CDC42BPA: variants seen among roughly 807,000 people sequenced by gnomAD.
CDC42BPA encodes serine/threonine-protein kinase MRCK alpha.
In CDC42BPA, 80 loss-of-function variants were observed where a neutral mutation model predicts 223.5. The ratio of observed to expected loss-of-function variants is 0.36; its 90% CI spans 0.30 to 0.43. CDC42BPA has a LOEUF of 0.43. Ranked by LOEUF, CDC42BPA falls within the 20% of genes least tolerant of loss-of-function variation. The probability of loss-of-function intolerance (pLI) is 1.00; values close to 1 mark genes in which losing one functional copy is unlikely to be tolerated. For missense variants in CDC42BPA, 1,743 were observed against 2,099.9 expected (o/e 0.83, Z 3.32); for synonymous variants, 694 against 718.6 (o/e 0.97, Z 0.55).
intron 23 of CDC42BPA, among the ~76,000 whole-genome samples, chr1:227,045,304 A>C (rs1360192540): frequency 2.0e-5 from 3 of 152,286 alleles, no homozygotes; most frequent in South Asian, 4.1e-4. Flanking sequence ...CCTTCTAACT[A>C]TTCTTTTCAT....
intron 1 of CDC42BPA, chr1:227,264,643 T>C: frequency 1.9e-6 from 1 of 523,140 alleles, no homozygotes; most frequent in East Asian, 3.2e-5. Context: ...TTAATTAATG[T>C]TGCCCTAAGT....
At chr1:227,042,968 G>A (rs547291609) in intron 23 of CDC42BPA, among the ~76,000 whole-genome samples, 38 of 152,218 alleles carry the variant, frequency 2.5e-4, no homozygotes, top group African/African-American at 8.9e-4. Context: ...AATAGAAGAT[G>A]TAAGAGCCAA....
rs12563460 is a variant in CDC42BPA, at chr1:227,095,801, A to G, written c.2250-3810T>C. Among the ~76,000 whole-genome samples, 411 of 152,258 alleles carry G rather than the reference A, an allele frequency of 2.7e-3. 12 individuals are homozygous for G. In the East Asian group the frequency reaches 0.051, roughly 19 times the overall value. On this transcript the variant is annotated intron_variant, in intron 15 of 36. Transcript: ENST00000366766. The stretch of plus-strand genomic sequence containing the variant: ...GAGATGGGGTTTTACAATATTGGCC[A>G]GGCTGGTCTCGAACTCCTGACCTCA...
intron 11 of CDC42BPA, among the ~76,000 whole-genome samples, chr1:227,125,552 G>A (rs1006987491): frequency 5.4e-5 from 8 of 148,880 alleles, no homozygotes; most frequent in Non-Finnish European, 1.2e-4. Context: ...AGCTGAGATC[G>A]CGTCACTGCA....
chr1:227,035,511 G>C lies in CDC42BPA; in HGVS notation c.3296C>G (p.Pro1099Arg). Residue 1099 changes from proline to arginine, a missense_variant, in exon 25 of 37, where the codon CCT becomes CGT. Around this residue, in one of 6 missense-constraint regions of CDC42BPA, gnomAD observed 678 missense variants for 777.5 expected, o/e 0.87. Transcript: ENST00000366766. ...ATATGCTGTTCCTATTCCTTTCTGA[G>C]GATCTATACCCAGGGGACCTTTTGT... is the stretch of plus-strand genomic sequence containing the variant. ...EQTKGPLGID[P>R]QKGIGTAYEG... 1.2e-6 allele frequency: 2 copies of C among 1,610,868 alleles called. No homozygotes were observed. The highest frequency in any genetic ancestry group is 1.7e-6 in the Non-Finnish European group (2 of 1,179,034).
chr1:227,074,547 G>A (rs1363424646), intron 17 of CDC42BPA, among the ~76,000 whole-genome samples, 183 bp from the exon 18 acceptor site: 1 of 152,156 alleles, frequency 6.6e-6, no homozygotes, highest in Non-Finnish European at 1.5e-5. Flanking sequence ...TTATGGAACT[G>A]TTCTTTTATG....
Position 227,029,256 on chromosome 1 carries a change from C to A in CDC42BPA, c.3839-6G>T. The stretch of plus-strand genomic sequence containing the variant: ...GTCACCAACTCTAATAATTTCTAAA[C>A]ACAGAAAGAATAATAAATCAAAATA... On this transcript the variant is annotated splice_polypyrimidine_tract_variant and splice_region_variant and intron_variant, in intron 29 of 36. Coordinates refer to ENST00000366766, the MANE Select transcript of CDC42BPA (RefSeq NM_001394014.1). 6.6e-7 allele frequency: 1 copy of A among 1,507,666 alleles called. No homozygotes were observed. Among genetic ancestry groups the A allele is most frequent in the Non-Finnish European group, 9.0e-7 (1 of 1,111,772 alleles). 93.4% of individuals were successfully genotyped at this position (1,507,666 alleles called of 1,614,324 possible).
Position 227,055,422 on chromosome 1 carries a change from T to C in CDC42BPA, c.2905-3437A>G, listed in dbSNP as rs1365928679. Among the ~76,000 whole-genome samples, 3 of 152,218 alleles carry C rather than the reference T, an allele frequency of 2.0e-5. No homozygotes were observed. In the East Asian group the frequency reaches 5.8e-4, roughly 29 times the overall value. ...ATAATTAATGGCTTATTCTATCCAC[T>C]AAAAAGCAATTAATTCTATTAAACT... On this transcript the variant is annotated intron_variant, in intron 21 of 36. Coordinates refer to ENST00000366766, the MANE Select transcript of CDC42BPA (RefSeq NM_001394014.1).
rs1454005280 is a variant in CDC42BPA, at chr1:226,997,163, C to G, written c.4976-2183G>C. Among the ~76,000 whole-genome samples, 3 of 152,184 alleles carry G rather than the reference C, an allele frequency of 2.0e-5. No individual in the cohort carries two copies. The East Asian group carries it at 5.8e-4, about 29-fold the overall frequency. ...GTTATTGGTATATTCAGGGATTCAA[C>G]TTCTTCCTGGTTTAGACTTGGGAAG... On this transcript the variant is annotated intron_variant, in intron 35 of 36. Transcript: ENST00000366766.
intron 21 of CDC42BPA, among the ~76,000 whole-genome samples, chr1:227,066,989 G>A (rs1234607944): frequency 1.3e-5 from 2 of 152,138 alleles, no homozygotes; most frequent in Non-Finnish European, 2.9e-5. Flanking sequence ...AAGCACATGA[G>A]TGGGAAATCA....
At chr1:227,207,367 CT>C (rs1275751280) in intron 3 of CDC42BPA, among the ~76,000 whole-genome samples, 55 of 93,892 alleles carry the variant, frequency 5.9e-4, no homozygotes, top group Admixed American at 1.6e-3. Context: ...TTTTCTTTTT[CT>C]TTTTTTTTTA....
intron 1 of CDC42BPA, among the ~76,000 whole-genome samples, chr1:227,306,137 GGT>G (rs1491380229): frequency 1.6e-4 from 11 of 69,626 alleles, no homozygotes; most frequent in Non-Finnish European, 2.5e-4. Flanking sequence ...TGTTCTAAGT[GGT>G]TTTTTTTTTT....
chr1:227,200,441 C>CAACA (rs1671540619), intron 3 of CDC42BPA, among the ~76,000 whole-genome samples: 2 of 15,912 alleles, frequency 1.3e-4, no homozygotes, highest in Non-Finnish European at 1.7e-4. Flanking sequence ...AAAAAACAAA[C>CAACA]AAACAAAAAA....
intron 2 of CDC42BPA, among the ~76,000 whole-genome samples, chr1:227,253,700 G>A (rs1682563446): frequency 6.6e-6 from 1 of 152,116 alleles, no homozygotes; most frequent in Non-Finnish European, 1.5e-5. Flanking sequence ...AGAGATGGGA[G>A]AGGGGGAGAA....
chr1:227,004,577 T>C (rs988022815), intron 35 of CDC42BPA: 2 of 222,800 alleles, frequency 9.0e-6, no homozygotes, highest in East Asian at 9.3e-5. Context: ...ACCACTACCA[T>C]GTAGCCATAC....
intron 4 of CDC42BPA, among the ~76,000 whole-genome samples, chr1:227,198,598 C>T (rs1447769347): frequency 6.6e-6 from 1 of 152,026 alleles, no homozygotes; most frequent in African/African-American, 2.4e-5. Context: ...AGTAATGACA[C>T]TGTTTGAACA....
chr1:227,065,122 A>AAATTAATTAATT lies in CDC42BPA; in HGVS notation c.2904+4654_2904+4655insAATTAATTAATT, dbSNP rs1247513052. On this transcript the variant is annotated intron_variant, in intron 21 of 36. Transcript: ENST00000366766. ...AAAATAAATAAATAAATAAATAAAT[A>AAATTAATTAATT]AATTAACTCAAACCCTTCTTTATCT... is the stretch of plus-strand genomic sequence containing the variant. Among the ~76,000 whole-genome samples the AAATTAATTAATT allele has an allele frequency of 3.5e-3, 538 of 151,752 alleles. 2 individuals carry two copies. The highest frequency in any genetic ancestry group is 0.013 in the African/African-American group (516 of 41,214).
chr1:227,083,159 C>T (rs932642298), intron 16 of CDC42BPA, among the ~76,000 whole-genome samples: 2 of 78,438 alleles, frequency 2.5e-5, no homozygotes, highest in African/African-American at 5.6e-5. Context: ...CATCTCTCTC[C>T]TTGCCTTTTG....
chr1:227,268,587 TGTGTATATATA>T (rs1362539725), intron 1 of CDC42BPA, among the ~76,000 whole-genome samples: 1 of 122,234 alleles, frequency 8.2e-6, no homozygotes, highest in Non-Finnish European at 1.7e-5. Context: ...TATATATATA[TGTGTATATATA>T]GTGTGTGTAT....
Sources: gnomAD v4.1 joint callset for allele counts (sites outside exome capture counted in the v4.1 genomes callset) on GRCh38, gnomAD v4.1.1 for gene constraint, gnomAD v4.1.1 regional missense constraint, MANE v1.5 for transcripts, NCBI Gene and HGNC (gene_info 2026-07-23, HGNC 2026-07-21) for gene names.